The following TSEN15 variants were observed in gnomAD, a reference collection of about 807,000 sequenced individuals.
The protein encoded by TSEN15 is tRNA-splicing endonuclease subunit Sen15.
Under a neutral mutation model 20.5 loss-of-function variants are expected in TSEN15, and 10 were observed. That is an observed-to-expected ratio of 0.49 (90% CI 0.30 to 0.83). The LOEUF is 0.83. Ranked by LOEUF, TSEN15 falls within the 40% of genes least tolerant of loss-of-function variation. The pLI, the probability that TSEN15 is intolerant of heterozygous loss-of-function variation, is 0.06. For synonymous variants in TSEN15, 72 were observed against 80.1 expected, an observed-to-expected ratio of 0.90 and a Z score of 0.54; for missense variants, 180 against 218.6, an observed-to-expected ratio of 0.82 and a Z score of 1.11.
At chr1:184,088,088 C>T (rs1371806958) in intron 3 of TSEN15, among the ~76,000 whole-genome samples, 1 of 152,132 alleles carries the variant, frequency 6.6e-6, no homozygotes, top group Non-Finnish European at 1.5e-5. Flanking sequence ...GAGGCAGAAT[C>T]AGCTGAGGAA....
intron 3 of TSEN15, 34 bp downstream of exon 3, chr1:184,054,897 C>T (rs777071988): frequency 7.5e-6 from 12 of 1,595,940 alleles, no homozygotes; most frequent in South Asian, 3.4e-5. Context: ...GTTCCTTTCC[C>T]GAGTAAAGCA....
intron 3 of TSEN15, among the ~76,000 whole-genome samples, chr1:184,091,494 G>T (rs550211008): frequency 6.6e-6 from 1 of 152,080 alleles, no homozygotes; most frequent in African/African-American, 2.4e-5. Flanking sequence ...GCACAACAAA[G>T]ATGCATAATA....
chr1:184,072,796 A>C, intron 4 of TSEN15, 31 bp from the exon 5 acceptor site: 1 of 1,592,240 alleles, frequency 6.3e-7, no homozygotes, highest in South Asian at 1.2e-5. Context: ...TTTATCGGAG[A>C]AAAGTCCATC....
intron 3 of TSEN15, among the ~76,000 whole-genome samples, chr1:184,089,667 G>GGTACTA (rs1390870171): frequency 6.6e-6 from 1 of 151,748 alleles, no homozygotes; most frequent in Non-Finnish European, 1.5e-5. Context: ...CATTCATGAG[G>GGTACTA]GTACTAGATA....
intron 3 of TSEN15, chr1:184,094,149 G>T (rs545931709): frequency 1.1e-4 from 16 of 152,264 alleles, no homozygotes; most frequent in African/African-American, 3.9e-4. Context: ...TCTTGGAATG[G>T]TTTTTTGATG....
intron 3 of TSEN15, among the ~76,000 whole-genome samples, chr1:184,060,714 T>C (rs974020746): frequency 3.3e-5 from 5 of 152,236 alleles, no homozygotes; most frequent in Non-Finnish European, 5.9e-5. Flanking sequence ...GTTAAAAGTA[T>C]ATTTTCATTT....
chr1:184,067,670 C>T (rs962608517), intron 3 of TSEN15, among the ~76,000 whole-genome samples: 3 of 152,004 alleles, frequency 2.0e-5, no homozygotes, highest in African/African-American at 7.2e-5. Flanking sequence ...GTAATCCCAG[C>T]ACTTTGGGAG....
downstream of TSEN15, among the ~76,000 whole-genome samples, chr1:184,075,211 G>A (rs1651034565): frequency 6.6e-6 from 1 of 152,002 alleles, no homozygotes. Context: ...TATGTCTTGG[G>A]ATGTTTACTC....
At chr1:184,067,708 A>C (rs1276318229) in intron 3 of TSEN15, among the ~76,000 whole-genome samples, 4 of 151,976 alleles carry the variant, frequency 2.6e-5, no homozygotes, top group Non-Finnish European at 5.9e-5. Context: ...ACCTGAGGTC[A>C]GGAGTTTGAT....
In TSEN15 at chr1:184,053,864, C is replaced by G. The variant is rs140631108; in HGVS notation, c.136-490C>G. ...AATACACAGTACCCACTAACATGTC[C>G]CATCACAAGTTTTATTAAAAAGGTT... On this transcript the variant is annotated intron_variant, in intron 1 of 4. Coordinates refer to ENST00000645668, the MANE Select transcript of TSEN15 (RefSeq NM_052965.4). Among the ~76,000 whole-genome samples, 600 of 152,278 alleles carry G rather than the reference C, an allele frequency of 3.9e-3. 6 individuals carry two copies. Among genetic ancestry groups the G allele is most frequent in the African/African-American group, 0.014 (572 of 41,556 alleles).
At chr1:184,082,787 T>G (rs1417139886) in intron 3 of TSEN15, among the ~76,000 whole-genome samples, 1 of 152,136 alleles carries the variant, frequency 6.6e-6, no homozygotes, top group Non-Finnish European at 1.5e-5. Context: ...AAACATATTG[T>G]TTTTGCCAAG....
chr1:184,072,673 A>T (rs1650929966), intron 4 of TSEN15, 154 bp from the exon 5 acceptor site: 4 of 687,090 alleles, frequency 5.8e-6, no homozygotes, highest in Non-Finnish European at 9.8e-6. Flanking sequence ...ACATTTTGAC[A>T]GGAACATTTT....
intron 3 of TSEN15, among the ~76,000 whole-genome samples, chr1:184,069,075 A>G (rs1650791763): frequency 6.6e-6 from 1 of 152,214 alleles, no homozygotes; most frequent in Admixed American, 6.5e-5. Context: ...AATAGCTTGG[A>G]CTAAAGGTAT....
chr1:184,091,957 A>C (rs1050391554), intron 3 of TSEN15, among the ~76,000 whole-genome samples: 3 of 152,224 alleles, frequency 2.0e-5, no homozygotes, highest in African/African-American at 7.2e-5. Flanking sequence ...GATATGTTGC[A>C]TCGACTCAGC....
Position 184,072,060 on chromosome 1 carries a change from T to C in TSEN15, c.354-97T>C, listed in dbSNP as rs1379607128. The stretch of plus-strand genomic sequence containing the variant: ...TCTCTTTTTACTTCAGTTTGGTTTC[T>C]TGTGACCTGTTTTCAAGTTTTCTAG... On this transcript the variant is annotated intron_variant, in intron 3 of 4. Coordinates refer to ENST00000645668, the MANE Select transcript of TSEN15 (RefSeq NM_052965.4). 8 of 1,274,354 alleles carry C rather than the reference T, an allele frequency of 6.3e-6. No homozygotes were observed. In the Admixed American group the frequency reaches 7.3e-5, roughly 12 times the overall value. 78.9% of individuals were successfully genotyped at this position (1,274,354 alleles called of 1,614,324 possible). A position where few individuals can be genotyped will look rare whatever the true frequency, so the allele number is the denominator to read the frequency against.
At chr1:184,063,802 G>A (rs1650550331) in intron 3 of TSEN15, among the ~76,000 whole-genome samples, 1 of 151,804 alleles carries the variant, frequency 6.6e-6, no homozygotes, top group Non-Finnish European at 1.5e-5. Flanking sequence ...GTGTTTTCAT[G>A]GGGAGAAGAA....
chr1:184,095,322 G>T, intron 3 of TSEN15: 1 of 391,434 alleles, frequency 2.6e-6, no homozygotes, highest in Non-Finnish European at 4.5e-6. Flanking sequence ...TATTGTTGGT[G>T]GTGAGACTTT....
chr1:184,083,532 G>A (rs1651207336), intron 3 of TSEN15, among the ~76,000 whole-genome samples: 2 of 152,132 alleles, frequency 1.3e-5, no homozygotes, highest in South Asian at 4.1e-4. Context: ...ACTTAGAAAT[G>A]GTAATTCCTC....
At chr1:184,086,690 A>G (rs887328984) in intron 3 of TSEN15, among the ~76,000 whole-genome samples, 1 of 152,174 alleles carries the variant, frequency 6.6e-6, no homozygotes, top group Admixed American at 6.5e-5. Context: ...TCTCCTCATG[A>G]TACTACAGCT....
Sources: gnomAD v4.1 joint callset for allele counts (sites outside exome capture counted in the v4.1 genomes callset) on GRCh38, gnomAD v4.1.1 for gene constraint, MANE v1.5 for transcripts, NCBI Gene and HGNC (gene_info 2026-07-23, HGNC 2026-07-21) for gene names.